The following MMP16 variants were observed in gnomAD, a reference collection of about 807,000 sequenced individuals.
MMP16 encodes the protein matrix metalloproteinase-16.
In MMP16, 12 loss-of-function variants were observed where a neutral mutation model predicts 67.8. That is an observed-to-expected ratio of 0.18 (90% CI 0.11 to 0.29). The LOEUF (loss-of-function observed/expected upper bound fraction) is 0.29, where lower values mean the gene tolerates loss of function less well. Among genes scored for constraint, MMP16 ranks in the 10% least tolerant of loss-of-function variants. The pLI is 1.00. For synonymous variants in MMP16, 249 were observed against 255.9 expected (o/e 0.97, Z 0.26); for missense variants, 475 against 765.7 (o/e 0.62, Z 4.48).
At chr8:88,259,937 G>C (rs28904581) in intron 1 of MMP16, among the ~76,000 whole-genome samples, 32 of 152,180 alleles carry the variant, frequency 2.1e-4, no homozygotes, top group African/African-American at 7.7e-4. Flanking sequence ...GAATCCAATA[G>C]GTAGCTTAAT....
At chr8:88,042,651 T>C (rs992188913) in intron 9 of MMP16, among the ~76,000 whole-genome samples, 1 of 152,204 alleles carries the variant, frequency 6.6e-6, no homozygotes, top group Non-Finnish European at 1.5e-5. Context: ...TAGTACCTTA[T>C]ATTTCATGGG....
chr8:88,173,938 T>C (rs1808844809), intron 3 of MMP16, among the ~76,000 whole-genome samples: 1 of 152,216 alleles, frequency 6.6e-6, no homozygotes, highest in Admixed American at 6.6e-5. Context: ...CAGTCTGTTA[T>C]GTATTCTCTG....
chr8:88,139,560 T>A (rs1329048294), intron 4 of MMP16, among the ~76,000 whole-genome samples: 1 of 152,158 alleles, frequency 6.6e-6, no homozygotes, highest in Non-Finnish European at 1.5e-5. Context: ...TTATTGACTT[T>A]CTTTCCACAA....
intron 7 of MMP16, among the ~76,000 whole-genome samples, chr8:88,066,956 G>T (rs1808470990): frequency 6.6e-6 from 1 of 151,932 alleles, no homozygotes; most frequent in African/African-American, 2.4e-5. Flanking sequence ...CAAAATGTGG[G>T]CATCAAAATT....
At chr8:88,083,609 T>C (rs1334058204) in intron 6 of MMP16, among the ~76,000 whole-genome samples, 1 of 152,040 alleles carries the variant, frequency 6.6e-6, no homozygotes, top group Non-Finnish European at 1.5e-5. Context: ...AAAAACTCTT[T>C]TCACTGAAAA....
At chr8:88,140,783 T>C (rs1160234096) in intron 4 of MMP16, among the ~76,000 whole-genome samples, 1 of 152,098 alleles carries the variant, frequency 6.6e-6, no homozygotes, top group Non-Finnish European at 1.5e-5. Flanking sequence ...AACCAATTAT[T>C]TCATATCAAA....
intron 1 of MMP16, among the ~76,000 whole-genome samples, chr8:88,248,585 C>T (rs949666431): frequency 3.3e-5 from 5 of 151,994 alleles, no homozygotes; most frequent in Non-Finnish European, 2.9e-5. Context: ...GTCCATTGCC[C>T]GATCCTCCTG....
At chr8:88,241,105 C>T (rs1466884847) in intron 1 of MMP16, among the ~76,000 whole-genome samples, 2 of 149,034 alleles carry the variant, frequency 1.3e-5, no homozygotes, top group Non-Finnish European at 3.0e-5. Flanking sequence ...TTAAATAGTA[C>T]TTCAACAGAC....
chr8:88,283,332 A>G (rs1006232604), intron 1 of MMP16, among the ~76,000 whole-genome samples: 1 of 152,224 alleles, frequency 6.6e-6, no homozygotes, highest in Non-Finnish European at 1.5e-5. Context: ...TGAGCATTTG[A>G]GTCAGGCAGA....
At chr8:88,264,858 C>A (rs1453889896) in intron 1 of MMP16, among the ~76,000 whole-genome samples, 2 of 152,178 alleles carry the variant, frequency 1.3e-5, no homozygotes, top group Non-Finnish European at 2.9e-5. Context: ...CGTGCCCTAA[C>A]CTCAGATGTT....
chr8:88,079,272 T>C (rs1003538619), intron 6 of MMP16, among the ~76,000 whole-genome samples: 1 of 152,170 alleles, frequency 6.6e-6, no homozygotes, highest in Non-Finnish European at 1.5e-5. Context: ...AGTCCAAAAA[T>C]AGATAAGTCC....
intron 4 of MMP16, among the ~76,000 whole-genome samples, chr8:88,147,029 A>G (rs1808304886): frequency 6.6e-6 from 1 of 152,012 alleles, no homozygotes; most frequent in Admixed American, 6.6e-5. Context: ...ATTTTAATTT[A>G]TTACAACAAC....
At chr8:88,313,499 A>T (rs1207386437) in intron 1 of MMP16, among the ~76,000 whole-genome samples, 1 of 151,642 alleles carries the variant, frequency 6.6e-6, no homozygotes, top group East Asian at 1.9e-4. Flanking sequence ...TCTCTTTATC[A>T]CTCATTTGAG....
chr8:88,321,293 A>G (rs960671291), intron 1 of MMP16, among the ~76,000 whole-genome samples: 1 of 152,172 alleles, frequency 6.6e-6, no homozygotes, highest in African/African-American at 2.4e-5. Context: ...GTATACATAT[A>G]CAGAGAGACA....
At chr8:88,300,721 C>G (rs1307758648) in intron 1 of MMP16, among the ~76,000 whole-genome samples, 1 of 152,042 alleles carries the variant, frequency 6.6e-6, no homozygotes, top group Admixed American at 6.6e-5. Flanking sequence ...GGAACTTATC[C>G]CATGAAGACA....
intron 2 of MMP16, among the ~76,000 whole-genome samples, chr8:88,194,730 T>C (rs1468948866): frequency 6.6e-6 from 1 of 151,982 alleles, no homozygotes; most frequent in South Asian, 2.1e-4. Context: ...AAGGCTTTAG[T>C]TGTTTCATCT....
chr8:88,104,159 CATT>C (rs2118388517), intron 6 of MMP16, among the ~76,000 whole-genome samples: 1 of 151,778 alleles, frequency 6.6e-6, no homozygotes, highest in South Asian at 2.1e-4. Flanking sequence ...ATATATATAA[CATT>C]ATTACAATAG....
intron 1 of MMP16, among the ~76,000 whole-genome samples, chr8:88,321,117 C>T (rs1314078525): frequency 1.3e-5 from 2 of 152,106 alleles, no homozygotes; most frequent in Non-Finnish European, 2.9e-5. Flanking sequence ...ACATAAACTA[C>T]ATATTTTATA....
chr8:88,240,154 C>T (rs754535257), intron 1 of MMP16, among the ~76,000 whole-genome samples: 9 of 152,150 alleles, frequency 5.9e-5, no homozygotes, highest in Non-Finnish European at 1.0e-4. Flanking sequence ...AGGAAATGCA[C>T]GGACATGAAC....
Sources: gnomAD v4.1 joint callset for allele counts (sites outside exome capture counted in the v4.1 genomes callset) on GRCh38, gnomAD v4.1.1 for gene constraint, MANE v1.5 for transcripts, NCBI Gene and HGNC (gene_info 2026-07-23, HGNC 2026-07-21) for gene names.